The following PCDHGA11 variants were observed in gnomAD, a reference collection of about 807,000 sequenced individuals.
PCDHGA11 encodes protocadherin gamma subfamily A, 11.
In PCDHGA11, 39 loss-of-function variants were observed where a neutral mutation model predicts 60.4. That is an observed-to-expected ratio of 0.65 (90% CI 0.50 to 0.84). The LOEUF (loss-of-function observed/expected upper bound fraction) is 0.84. Ranked by LOEUF, PCDHGA11 falls within the 40% of genes least tolerant of loss-of-function variation. The pLI is 0.00. For missense variants in PCDHGA11, 1,165 were observed against 1,197.7 expected (o/e 0.97, Z 0.40); for synonymous variants, 533 against 510.3 (o/e 1.04, Z -0.60).
In PCDHGA11 at chr5:141,511,345, TCC is replaced by T; in HGVS notation, c.*178_*179del. 1 of 1,410,484 alleles carries T rather than the reference TCC, an allele frequency of 7.1e-7. No homozygotes were observed. The highest frequency in any genetic ancestry group is 9.4e-7 in the Non-Finnish European group (1 of 1,060,658). The allele number at this position is 1,410,484 out of a possible 1,614,324, so 87.4% of individuals were successfully genotyped here. On this transcript the variant is annotated 3_prime_UTR_variant, in exon 4 of 4. Coordinates refer to ENST00000398587, the MANE Select transcript of PCDHGA11 (RefSeq NM_018914.3). ...AAGTGCCCAGTCAGCACCTACCCCT[TCC>T]CCCCCAGGGGGTTGAATATGCAAAA... is the stretch of plus-strand genomic sequence containing the variant.
intron 1 of PCDHGA11, among the ~76,000 whole-genome samples, chr5:141,438,793 C>T (rs982191766): frequency 2.7e-5 from 4 of 149,544 alleles, no homozygotes; most frequent in African/African-American, 7.4e-5. Context: ...TCTCCAGTAG[C>T]TGGGATTACA....
intron 1 of PCDHGA11, among the ~76,000 whole-genome samples, chr5:141,462,736 T>C (rs2099045667): frequency 6.6e-6 from 1 of 152,274 alleles, no homozygotes; most frequent in South Asian, 2.1e-4. Flanking sequence ...TTGTCACCTC[T>C]GTAATTCCTA....
At position 141,423,089 on chromosome 5, in the gene PCDHGA11, G is replaced by A; in HGVS notation, c.1862G>A (p.Gly621Glu). 6.2e-7 allele frequency: 1 copy of A among 1,614,016 alleles called. No homozygotes were observed. The highest frequency in any genetic ancestry group is 8.5e-7 in the Non-Finnish European group (1 of 1,180,008). The change falls in exon 1 of 4, where the codon GGG (glycine) becomes GAG (glutamate). Residue 621 changes from glycine to glutamate, a missense_variant. Gly to Glu is a moderately conservative substitution (Grantham distance 98). Coordinates refer to ENST00000398587, the MANE Select transcript of PCDHGA11 (RefSeq NM_018914.3). ...AGCGAGCCGGGACTCTTCGCGGTGG[G>A]GGAGCACACGGGCGAGGTGCGTACA... ...KASEPGLFAV[G>E]EHTGEVRTAR...
chr5:141,486,163 G>A lies in PCDHGA11; in HGVS notation c.2434-8644G>A. 2.5e-6 allele frequency: 4 copies of A among 1,614,212 alleles called. No individual in the cohort carries two copies. Among genetic ancestry groups the A allele is most frequent in the Non-Finnish European group, 3.4e-6 (4 of 1,180,034 alleles). The stretch of plus-strand genomic sequence containing the variant: ...CTCGCGATGGGGGTTCTCCAGCCAT[G>A]GAGCAACATTGCAGCCTTCGAGTGG... On this transcript the variant is annotated intron_variant, in intron 1 of 3. Transcript: ENST00000398587. This position sits in a 1 kb window ranked among gnomAD's most constrained non-coding sequence, Gnocchi z 5.0.
At position 141,438,276 on chromosome 5, in the gene PCDHGA11, ATAATT is replaced by A. The variant is rs533892835; in HGVS notation, c.2433+14621_2433+14625del. ...TGAAGAGACCATAGAATCAAACAAA[ATAATT>A]TAATCTGTATGTAAAAGAAGTTGGT... On this transcript the variant is annotated intron_variant, in intron 1 of 3. Coordinates refer to ENST00000398587, the MANE Select transcript of PCDHGA11 (RefSeq NM_018914.3). 1.4e-3 allele frequency among the ~76,000 whole-genome samples: 213 copies of A among 152,246 alleles called. 1 individual carries two copies. The highest frequency in any genetic ancestry group is 4.8e-3 in the African/African-American group (199 of 41,534).
At chr5:141,507,862 G>A (rs17286954) in intron 3 of PCDHGA11, among the ~76,000 whole-genome samples, 4 of 152,076 alleles carry the variant, frequency 2.6e-5, no homozygotes, top group African/African-American at 7.2e-5. Flanking sequence ...TTTCACACCC[G>A]CTTCCTAGCC....
intron 1 of PCDHGA11, among the ~76,000 whole-genome samples, chr5:141,450,363 T>C (rs2098678373): frequency 6.6e-6 from 1 of 152,162 alleles, no homozygotes; most frequent in Admixed American, 6.5e-5. Flanking sequence ...TTCCTCAGCC[T>C]TGTTTGTTTA....
At chr5:141,467,460 T>G (rs1354012953) in intron 1 of PCDHGA11, among the ~76,000 whole-genome samples, 1 of 152,246 alleles carries the variant, frequency 6.6e-6, no homozygotes. Context: ...CCAGTGCTAG[T>G]ACTTGCATGG....
At position 141,469,305 on chromosome 5, in the gene PCDHGA11, G is replaced by A. The variant is rs990437808; in HGVS notation, c.2434-25502G>A. Among the ~76,000 whole-genome samples the A allele has an allele frequency of 3.9e-5, 6 of 152,192 alleles. No homozygotes were observed. The South Asian group carries it at 6.2e-4, about 16-fold the overall frequency. On this transcript the variant is annotated intron_variant, in intron 1 of 3. Transcript: ENST00000398587. ...AAATAAAACAAAATAGACTGGGCACGATGGCTCACGCCTGTAATCCCACCA... is the reference window on the plus strand; with the variant it reads ...AAATAAAACAAAATAGACTGGGCACAATGGCTCACGCCTGTAATCCCACCA...
chr5:141,463,467 G>A (rs200270457), intron 1 of PCDHGA11, among the ~76,000 whole-genome samples: 2,116 of 11,250 alleles, frequency 0.19, 39 homozygotes, highest in East Asian at 0.24. Context: ...TTTTTTTTTT[G>A]AGATGGAGTC....
At chr5:141,470,736 C>A (rs541510544) in intron 1 of PCDHGA11, among the ~76,000 whole-genome samples, 1 of 152,092 alleles carries the variant, frequency 6.6e-6, no homozygotes, top group Non-Finnish European at 1.5e-5. Context: ...CTTGCTCTGT[C>A]GCCCTGGCTG....
At position 141,431,119 on chromosome 5, in the gene PCDHGA11, A is replaced by C. The variant is rs147514897; in HGVS notation, c.2433+7459A>C. 1.2e-6 allele frequency: 2 copies of C among 1,614,134 alleles called. No individual in the cohort carries two copies. The highest frequency in any genetic ancestry group is 2.7e-5 in the African/African-American group (2 of 74,956). ...ATAAAGTGAAAATATATGGAGTAGA[A>C]GTAGAAGTAAGGGACATTAACGACA... On this transcript the variant is annotated intron_variant, in intron 1 of 3. Coordinates refer to ENST00000398587, the MANE Select transcript of PCDHGA11 (RefSeq NM_018914.3). The surrounding 1 kb of genome is among the most constrained non-coding windows in gnomAD (Gnocchi z 4.8).
intron 1 of PCDHGA11, chr5:141,478,636 T>G: frequency 1.3e-6 from 2 of 1,552,744 alleles, no homozygotes; most frequent in South Asian, 2.4e-5. Flanking sequence ...TTTTTAGTGA[T>G]GAAGATGTTT....
At chr5:141,463,650 A>G (rs1206605758) in intron 1 of PCDHGA11, among the ~76,000 whole-genome samples, 1 of 151,746 alleles carries the variant, frequency 6.6e-6, no homozygotes, top group South Asian at 2.1e-4. Flanking sequence ...ACGGGGTTTC[A>G]CCGTGTTAGC....
chr5:141,428,376 A>G (rs2097136159), intron 1 of PCDHGA11: 2 of 528,068 alleles, frequency 3.8e-6, no homozygotes, highest in African/African-American at 1.9e-5. Flanking sequence ...TGCACCTGCG[A>G]TGCTCTTCCA....
intron 2 of PCDHGA11, among the ~76,000 whole-genome samples, chr5:141,497,175 A>T (rs2154592067): frequency 6.7e-6 from 1 of 150,262 alleles, no homozygotes; most frequent in East Asian, 1.9e-4. Context: ...AAATCACAGT[A>T]AGTTCTGAGA....
chr5:141,501,141 A>G (rs940603527), intron 2 of PCDHGA11, among the ~76,000 whole-genome samples: 8 of 152,184 alleles, frequency 5.3e-5, no homozygotes, highest in Admixed American at 5.2e-4. Context: ...TGCTGGGATT[A>G]CAGGTGGGAG....
intron 1 of PCDHGA11, among the ~76,000 whole-genome samples, chr5:141,448,001 G>A (rs143950707): frequency 0.046 from 7,030 of 151,928 alleles, 245 homozygotes; most frequent in African/African-American, 0.093. Context: ...CATGAGAATC[G>A]CTTGAACCCA....
Position 141,422,908 on chromosome 5 carries a change from C to G in PCDHGA11, c.1681C>G (p.Pro561Ala). 6.2e-7 allele frequency: 1 copy of G among 1,614,244 alleles called. No individual in the cohort carries two copies. Among genetic ancestry groups the G allele is most frequent in the Non-Finnish European group, 8.5e-7 (1 of 1,180,048 alleles). Residue 561 changes from proline to alanine, a missense_variant, in exon 1 of 4, where the codon CCC (proline) becomes GCC (alanine). By Grantham distance (27) the Pro-to-Ala change is conservative. Transcript: ENST00000398587. The part of the protein sequence containing the change: ...LFVLDQNDNA[P>A]EILYPALPTD... ...CGTGCTGGACCAGAACGACAATGCG[C>G]CCGAGATCCTGTACCCTGCCCTCCC... is the stretch of plus-strand genomic sequence containing the variant.
Sources: gnomAD v4.1 joint callset for allele counts (sites outside exome capture counted in the v4.1 genomes callset) on GRCh38, gnomAD v4.1.1 for gene constraint, Gnocchi (gnomAD v3.1) non-coding constraint, MANE v1.5 for transcripts, NCBI Gene and HGNC (gene_info 2026-07-23, HGNC 2026-07-21) for gene names.